NEDD4L: variants seen among roughly 807,000 people sequenced by gnomAD.
NEDD4L encodes the protein E3 ubiquitin-protein ligase NEDD4-like.
In NEDD4L, 54 loss-of-function variants were observed where a neutral mutation model predicts 148.9. The ratio of observed to expected loss-of-function variants is 0.36; its 90% CI spans 0.29 to 0.45. The LOEUF (loss-of-function observed/expected upper bound fraction) is 0.45, where lower values mean the gene tolerates loss of function less well. Among genes scored for constraint, NEDD4L ranks in the 20% least tolerant of loss-of-function variants. NEDD4L has a pLI of 1.00. For synonymous variants in NEDD4L, 433 were observed against 440.7 expected (o/e 0.98, Z 0.22); for missense variants, 856 against 1,233.8 (o/e 0.69, Z 4.59).
At chr18:58,246,076 G>T (rs1399260546) in intron 3 of NEDD4L, among the ~76,000 whole-genome samples, 1 of 151,906 alleles carries the variant, frequency 6.6e-6, no homozygotes, top group Admixed American at 6.6e-5. Context: ...AGACTTTTCA[G>T]TACTAACCCA....
At chr18:58,164,808 T>C (rs2036645254) in intron 1 of NEDD4L, among the ~76,000 whole-genome samples, 1 of 152,244 alleles carries the variant, frequency 6.6e-6, no homozygotes, top group South Asian at 2.1e-4. Context: ...GCTAGGTTTC[T>C]GCAGACCTTG....
intron 18 of NEDD4L, among the ~76,000 whole-genome samples, chr18:58,355,422 C>T (rs1020952396): frequency 3.9e-5 from 6 of 152,166 alleles, no homozygotes; most frequent in South Asian, 2.1e-4. Context: ...GAAGTACTTA[C>T]GGGAAACCCA....
intron 1 of NEDD4L, among the ~76,000 whole-genome samples, chr18:58,140,654 G>A (rs2033400107): frequency 6.6e-6 from 1 of 152,264 alleles, no homozygotes; most frequent in African/African-American, 2.4e-5. Context: ...ATTTCTGAGT[G>A]GAGGATTCCT....
chr18:58,295,373 A>T (rs1164915449), intron 5 of NEDD4L, among the ~76,000 whole-genome samples: 1 of 152,148 alleles, frequency 6.6e-6, no homozygotes, highest in African/African-American at 2.4e-5. Flanking sequence ...TGCAGTGTGT[A>T]GCCTTTTCAT....
chr18:58,359,808 G>C (rs1294998728), intron 19 of NEDD4L: 1 of 152,270 alleles, frequency 6.6e-6, no homozygotes, highest in Non-Finnish European at 1.5e-5. Flanking sequence ...ACCTCTGGGG[G>C]TGGGACACCA....
intron 5 of NEDD4L, among the ~76,000 whole-genome samples, chr18:58,262,445 A>G (rs2049529975): frequency 6.6e-6 from 1 of 152,100 alleles, no homozygotes; most frequent in Non-Finnish European, 1.5e-5. Flanking sequence ...CCTGAGCAAC[A>G]TGGCGAAGCC....
chr18:58,288,964 G>A (rs555605874), intron 5 of NEDD4L, among the ~76,000 whole-genome samples: 13 of 152,258 alleles, frequency 8.5e-5, no homozygotes, highest in Middle Eastern at 3.4e-3. Flanking sequence ...CAAAAGGAAA[G>A]GCCTGAGTTT....
Position 58,348,326 on chromosome 18 carries a change from C to CTTTTTTTTTTTTTT in NEDD4L, c.1576-1201_1576-1188dup, listed in dbSNP as rs771263533. Among the ~76,000 whole-genome samples the CTTTTTTTTTTTTTT allele has an allele frequency of 1.9e-3, 164 of 88,644 alleles. 6 individuals carry two copies. Among genetic ancestry groups the CTTTTTTTTTTTTTT allele is most frequent in the African/African-American group, 5.0e-3 (93 of 18,524 alleles). The allele number at this position is 88,644 out of a possible 152,430, so 58.2% of individuals were successfully genotyped here. ...CACTGCATTTCTTTTTCTTTTTTTT[C>CTTTTTTTTTTTTTT]TTTTTTTTTTTTTTTTTTTTTTTGA... On this transcript the variant is annotated intron_variant, in intron 16 of 30. Transcript: ENST00000400345.
chr18:58,385,476 G>A, intron 25 of NEDD4L, 50 bp from the exon 26 acceptor site: 1 of 1,428,236 alleles, frequency 7.0e-7, no homozygotes, highest in Non-Finnish European at 9.9e-7. Flanking sequence ...AAAGCAGTGA[G>A]CACTAGTGAT....
rs1481422550 is a variant in NEDD4L, at chr18:58,111,376, T to A, written c.49-54412T>A. On this transcript the variant is annotated intron_variant, in intron 1 of 30. Coordinates refer to ENST00000400345, the MANE Select transcript of NEDD4L (RefSeq NM_001144967.3). ...AGCCACTGTGCCTGGCTGATGTTAA[T>A]ATTTTTATTACCCATAAAAGGAAGC... Among the ~76,000 whole-genome samples, 5 of 147,364 alleles carry A rather than the reference T, an allele frequency of 3.4e-5. No homozygotes were observed. The East Asian group carries it at 7.7e-4, about 23-fold the overall frequency.
At position 58,342,639 on chromosome 18, in the gene NEDD4L, T is replaced by C. The variant is rs12457194; in HGVS notation, c.1378-267T>C. On this transcript the variant is annotated intron_variant, in intron 15 of 30. Coordinates refer to ENST00000400345, the MANE Select transcript of NEDD4L (RefSeq NM_001144967.3). Reference sequence around the variant, plus strand: ...CACTCTGTAAAATCTCCATCCATAATGCTTAGTACAGAACAGTATTTTTGG... The same window carrying C: ...CACTCTGTAAAATCTCCATCCATAACGCTTAGTACAGAACAGTATTTTTGG... Among the ~76,000 whole-genome samples, 124,667 of 152,130 alleles carry C rather than the reference T, an allele frequency of 0.82. 51,196 individuals are homozygous for C. The highest frequency in any genetic ancestry group is 0.96 in the East Asian group (4,976 of 5,174).
intron 16 of NEDD4L, among the ~76,000 whole-genome samples, chr18:58,348,580 C>G (rs1002152054): frequency 1.3e-5 from 2 of 152,096 alleles, no homozygotes; most frequent in African/African-American, 4.8e-5. Context: ...TCCCAAAGTG[C>G]TGGGATTACA....
At chr18:58,119,131 G>A (rs1378606362) in intron 1 of NEDD4L, among the ~76,000 whole-genome samples, 1 of 152,122 alleles carries the variant, frequency 6.6e-6, no homozygotes, top group Non-Finnish European at 1.5e-5. Context: ...TCACCTCTAA[G>A]CTCTCAGGCT....
At chr18:58,229,541 G>C (rs922065527) in intron 2 of NEDD4L, among the ~76,000 whole-genome samples, 1 of 152,138 alleles carries the variant, frequency 6.6e-6, no homozygotes, top group African/African-American at 2.4e-5. Context: ...AATTGTCATT[G>C]CTCTTTAATA....
chr18:58,071,055 C>T (rs1249958358), intron 1 of NEDD4L, among the ~76,000 whole-genome samples: 2 of 152,264 alleles, frequency 1.3e-5, no homozygotes, highest in Middle Eastern at 3.4e-3. Flanking sequence ...CACACACACA[C>T]ACCTCGGTTT....
chr18:58,197,209 A>G (rs2040815492), intron 2 of NEDD4L, among the ~76,000 whole-genome samples: 1 of 152,150 alleles, frequency 6.6e-6, no homozygotes, highest in Admixed American at 6.5e-5. Flanking sequence ...CGTCACCTTA[A>G]AAGGAGATGT....
chr18:58,212,901 C>T (rs1396965222), intron 2 of NEDD4L, among the ~76,000 whole-genome samples: 1 of 152,098 alleles, frequency 6.6e-6, no homozygotes, highest in Non-Finnish European at 1.5e-5. Flanking sequence ...AAGAAAACCA[C>T]AGAGGAAAAA....
chr18:58,343,798 CAGTT>C (rs769458246), intron 16 of NEDD4L, among the ~76,000 whole-genome samples: 83 of 152,254 alleles, frequency 5.5e-4, no homozygotes, highest in Non-Finnish European at 1.0e-3. Context: ...ATTTCTGTGT[CAGTT>C]CTTTATTTCT....
rs1331871223 is a variant in NEDD4L, at chr18:58,396,204, G to C, written c.2863G>C (p.Glu955Gln). ...TGACTTACCTCCATATGAAACCTTTGAAGATTTACGAGAGAAACTTCTCAT... is the reference window on the plus strand; with the variant it reads ...TGACTTACCTCCATATGAAACCTTTCAAGATTTACGAGAGAAACTTCTCAT... ...RLDLPPYETFEDLREKLLMAV... is the reference protein window; with the variant it reads ...RLDLPPYETFQDLREKLLMAV... Residue 955 changes from glutamate (E) to glutamine (Q), a missense_variant, in exon 31 of 31, where the codon GAA (glutamate) becomes CAA (glutamine). This residue lies in a region of NEDD4L where 286 missense variants were observed against 531.8 expected (regional missense o/e 0.54). Coordinates refer to ENST00000400345, the MANE Select transcript of NEDD4L (RefSeq NM_001144967.3). The C allele has an allele frequency of 6.2e-7, 1 of 1,613,562 alleles. No homozygotes were observed. The highest frequency in any genetic ancestry group is 8.5e-7 in the Non-Finnish European group (1 of 1,179,714).
Sources: allele counts gnomAD v4.1 joint callset (sites outside exome capture counted in the v4.1 genomes callset), GRCh38; gene constraint gnomAD v4.1.1; regional missense constraint gnomAD v4.1.1; transcripts MANE v1.5; gene names NCBI Gene and HGNC (gene_info 2026-07-23, HGNC 2026-07-21).